MSH3: variants seen among roughly 807,000 people sequenced by gnomAD.
MSH3 encodes the protein DNA mismatch repair protein Msh3.
A neutral mutation model predicts 123.3 loss-of-function variants in MSH3; 106 were observed. That is an observed-to-expected ratio of 0.86 (90% CI 0.73 to 1.01). The LOEUF is 1.01. Ranked by LOEUF, MSH3 falls within the 50% of genes least tolerant of loss-of-function variation. The pLI is 0.00. For synonymous variants in MSH3, 515 were observed against 481.4 expected (o/e 1.07, Z -0.91); for missense variants, 1,459 against 1,347.6 (o/e 1.08, Z -1.29).
intron 8 of MSH3, 137 bp from the exon 9 acceptor site, chr5:80,725,314 TTC>T (rs1341892464): frequency 1.6e-6 from 1 of 632,372 alleles, no homozygotes; most frequent in Non-Finnish European, 2.8e-6. Flanking sequence ...AGCTCTTTCT[TTC>T]TCTCTCTTTC....
At chr5:80,853,640 A>G (rs894677632) in intron 20 of MSH3, among the ~76,000 whole-genome samples, 3 of 152,242 alleles carry the variant, frequency 2.0e-5, no homozygotes, top group East Asian at 1.9e-4. Flanking sequence ...TCAAACGTCT[A>G]TAATTCTAGT....
At chr5:80,837,263 A>G (rs1220408242) in intron 20 of MSH3, among the ~76,000 whole-genome samples, 1 of 152,200 alleles carries the variant, frequency 6.6e-6, no homozygotes, top group African/African-American at 2.4e-5. Flanking sequence ...AGTGTAAATT[A>G]GTGAAACTAG....
rs35457565 is a variant in MSH3 at position 80,824,719 on chromosome 5, C to T, written c.2813+10978C>T. 7.9e-5 allele frequency among the ~76,000 whole-genome samples: 12 copies of T among 152,276 alleles called. No homozygotes were observed. In the East Asian group the frequency reaches 2.1e-3, roughly 27 times the overall value. On this transcript the variant is annotated intron_variant, in intron 20 of 23. Coordinates refer to ENST00000265081, the MANE Select transcript of MSH3 (RefSeq NM_002439.5). Reference sequence around the variant, plus strand: ...AACATTTCACAAGTCTACAAGTATACATCTTTTCTTTTCTAAAATGGTATC... The same window carrying T: ...AACATTTCACAAGTCTACAAGTATATATCTTTTCTTTTCTAAAATGGTATC...
intron 20 of MSH3, among the ~76,000 whole-genome samples, chr5:80,820,848 CTG>C (rs1238487138): frequency 2.0e-5 from 3 of 152,208 alleles, no homozygotes; most frequent in Non-Finnish European, 4.4e-5. Flanking sequence ...TGACAACACT[CTG>C]TGTACCAGTG....
intron 17 of MSH3, among the ~76,000 whole-genome samples, chr5:80,784,676 T>C (rs1044115209): frequency 6.6e-5 from 10 of 152,160 alleles, no homozygotes; most frequent in Non-Finnish European, 1.5e-4. Context: ...TTGGACCCAT[T>C]AGCCATCCCC....
chr5:80,841,362 C>T (rs933273849), intron 20 of MSH3, among the ~76,000 whole-genome samples: 3 of 152,180 alleles, frequency 2.0e-5, no homozygotes, highest in Admixed American at 1.3e-4. Flanking sequence ...CCACAATGAA[C>T]GTACGTGTGC....
intron 12 of MSH3, chr5:80,746,730 T>G (rs951833435): frequency 2.5e-6 from 1 of 392,276 alleles, no homozygotes; most frequent in African/African-American, 2.1e-5. Context: ...TCTCATATCT[T>G]CCAACATGGT....
rs543454018 is a variant in MSH3, at chr5:80,786,471, A to G, written c.2436-1094A>G. ...CAGCTTTCCTTTTGGACCTATTTAC[A>G]GTTAGTTTATTACATTTTCTCATTT... On this transcript the variant is annotated intron_variant, in intron 17 of 23. Transcript: ENST00000265081. Among the ~76,000 whole-genome samples the G allele has an allele frequency of 9.8e-5, 15 of 152,312 alleles. 1 individual carries two copies. In the South Asian group the frequency reaches 3.1e-3, roughly 32 times the overall value.
At chr5:80,752,253 A>C (rs530235214) in intron 12 of MSH3, among the ~76,000 whole-genome samples, 3 of 152,148 alleles carry the variant, frequency 2.0e-5, no homozygotes, top group African/African-American at 7.2e-5. Context: ...CTGAGGTCTA[A>C]GAGGTAAGGT....
intron 2 of MSH3, among the ~76,000 whole-genome samples, chr5:80,659,188 C>T (rs962609731): frequency 6.0e-5 from 9 of 150,686 alleles, no homozygotes; most frequent in African/African-American, 1.5e-4. Flanking sequence ...GAGCCGAGAT[C>T]GTGCCACTGC....
At chr5:80,703,930 C>T (rs1308445203) in intron 8 of MSH3, among the ~76,000 whole-genome samples, 2 of 152,062 alleles carry the variant, frequency 1.3e-5, no homozygotes, top group East Asian at 3.9e-4. Context: ...GGCCAGGAAG[C>T]ACGTGTCTGT....
intron 11 of MSH3, among the ~76,000 whole-genome samples, chr5:80,741,847 A>G (rs968948541): frequency 6.6e-6 from 1 of 152,110 alleles, no homozygotes; most frequent in Admixed American, 6.5e-5. Flanking sequence ...CACTGAAAAT[A>G]TGAAGCGGAT....
rs2112884587 is a variant in MSH3, at chr5:80,768,121, G to A, written c.2084+1G>A. On this transcript the variant is annotated splice_donor_variant, in intron 14 of 23. Transcript: ENST00000265081. LOFTEE classifies it high-confidence loss of function. ...AGATACTCAATGAACAAGCTGCCAA[G>A]TAAGTACCAGACCCTGAATTCTTCC... 1 of 1,612,988 alleles carries A rather than the reference G, an allele frequency of 6.2e-7. No homozygotes were observed. Among genetic ancestry groups the A allele is most frequent in the Non-Finnish European group, 8.5e-7 (1 of 1,179,050 alleles).
At chr5:80,757,627 C>G (rs1482629041) in intron 12 of MSH3, among the ~76,000 whole-genome samples, 1 of 152,106 alleles carries the variant, frequency 6.6e-6, no homozygotes, top group East Asian at 1.9e-4. Context: ...CAGGTGCCTT[C>G]TTTCAGTTAA....
At chr5:80,841,825 A>C (rs551108451) in intron 20 of MSH3, among the ~76,000 whole-genome samples, 1 of 152,222 alleles carries the variant, frequency 6.6e-6, no homozygotes, top group South Asian at 2.1e-4. Flanking sequence ...AGATGGGTAG[A>C]TTGCAAAATT....
chr5:80,691,806 TAA>T lies in MSH3; in HGVS notation c.1340+12715_1340+12716del, dbSNP rs1222855023. Among the ~76,000 whole-genome samples the T allele has an allele frequency of 1.9e-4, 28 of 147,896 alleles. 4 individuals carry two copies. Among genetic ancestry groups the T allele is most frequent in the African/African-American group, 6.6e-4 (27 of 40,770 alleles). Reference sequence around the variant, plus strand: ...GTTTATATATTTATATAAATATATCTAAATATATATGTATGTTTATATAGATA... The same window carrying T: ...GTTTATATATTTATATAAATATATCTATATATATGTATGTTTATATAGATA... On this transcript the variant is annotated intron_variant, in intron 8 of 23. Coordinates refer to ENST00000265081, the MANE Select transcript of MSH3 (RefSeq NM_002439.5).
At position 80,836,955 on chromosome 5, in the gene MSH3, C is replaced by T. The variant is rs1039317755; in HGVS notation, c.2814-17175C>T. Among the ~76,000 whole-genome samples, 6 of 152,008 alleles carry T rather than the reference C, an allele frequency of 3.9e-5. No homozygotes were observed. In the South Asian group the frequency reaches 6.2e-4, roughly 16 times the overall value. On this transcript the variant is annotated intron_variant, in intron 20 of 23. Transcript: ENST00000265081. The stretch of plus-strand genomic sequence containing the variant: ...GCTATTATTTTTCAAAAGTACATGC[C>T]GTGTGTTAGAGATGGCAAGGATAAA...
chr5:80,720,482 GCTT>G (rs6151716), intron 8 of MSH3, among the ~76,000 whole-genome samples: 18,426 of 151,562 alleles, frequency 0.12, 1,273 homozygotes, highest in Middle Eastern at 0.2. Context: ...TTCATTTCCT[GCTT>G]CTTATCTTTA....
chr5:80,833,594 C>T (rs1392095735), intron 20 of MSH3, among the ~76,000 whole-genome samples: 3 of 152,150 alleles, frequency 2.0e-5, no homozygotes, highest in Admixed American at 1.3e-4. Context: ...AGGAGCGTGC[C>T]ACCACACCCA....
Sources: gnomAD v4.1 joint callset for allele counts (sites outside exome capture counted in the v4.1 genomes callset) on GRCh38, gnomAD v4.1.1 for gene constraint, MANE v1.5 for transcripts, NCBI Gene and HGNC (gene_info 2026-07-23, HGNC 2026-07-21) for gene names.